Variants in KIF16B observed in about 807,000 individuals in gnomAD.
The protein encoded by KIF16B is kinesin family member 16B.
In KIF16B, 98 loss-of-function variants were observed where a neutral mutation model predicts 156.3. The ratio of observed to expected loss-of-function variants is 0.63; its 90% CI spans 0.53 to 0.74. The LOEUF (loss-of-function observed/expected upper bound fraction) is 0.74. KIF16B is among the 30% of genes least tolerant of loss of function. KIF16B has a pLI of 0.00. For missense variants in KIF16B, 1,421 were observed against 1,606.5 expected, an observed-to-expected ratio of 0.88 and a Z score of 1.97; for synonymous variants, 564 against 583.7, an observed-to-expected ratio of 0.97 and a Z score of 0.49.
chr20:16,427,289 G>A lies in KIF16B; in HGVS notation c.1475-48C>T, dbSNP rs752855220. On this transcript the variant is annotated intron_variant, in intron 14 of 25. Transcript: ENST00000354981. Reference sequence around the variant, plus strand: ...AAAGAATTTTTCCCCCTTTTCTACTGCAATGATTCCCAGCTATTTATCTAT... The same window carrying A: ...AAAGAATTTTTCCCCCTTTTCTACTACAATGATTCCCAGCTATTTATCTAT... 5.9e-6 allele frequency: 9 copies of A among 1,515,386 alleles called. No individual in the cohort carries two copies. In the Admixed American group the frequency reaches 7.5e-5, roughly 13 times the overall value. The allele number at this position is 1,515,386 out of a possible 1,614,324, so 93.9% of individuals were successfully genotyped here. A position where few individuals can be genotyped will look rare whatever the true frequency, so the allele number is the denominator to read the frequency against.
Position 16,379,473 on chromosome 20 carries a change from C to G in KIF16B, c.2529G>C (p.Leu843=), listed in dbSNP as rs2065035206. The change falls in exon 19 of 26, where the codon CTG becomes CTC. Residue 843 remains leucine, a synonymous_variant. Transcript: ENST00000354981. ...LVKLVNLEKD[L]VQQKDILKKE... ...TTTTCAGGATGTCTTTCTGCTGAACCAGGTCCTTCTCCAAGTTCACTAGCT... is the reference window on the plus strand; with the variant it reads ...TTTTCAGGATGTCTTTCTGCTGAACGAGGTCCTTCTCCAAGTTCACTAGCT... 5 of 1,613,956 alleles carry G rather than the reference C, an allele frequency of 3.1e-6. No homozygotes were observed. The highest frequency in any genetic ancestry group is 4.2e-6 in the Non-Finnish European group (5 of 1,180,022).
intron 25 of KIF16B, among the ~76,000 whole-genome samples, chr20:16,301,577 T>C (rs771435284): frequency 1.3e-5 from 2 of 152,200 alleles, no homozygotes; most frequent in Admixed American, 1.3e-4. Flanking sequence ...TAATGACATA[T>C]GTTATTGAGC....
intron 25 of KIF16B, among the ~76,000 whole-genome samples, chr20:16,280,826 A>G (rs1472484191): frequency 9.7e-6 from 1 of 102,938 alleles, no homozygotes; most frequent in Non-Finnish European, 2.0e-5. Flanking sequence ...ATTTCAGTCA[A>G]CTGCTGCGCG....
At chr20:16,517,726 T>C (rs2069190252) in intron 3 of KIF16B, among the ~76,000 whole-genome samples, 1 of 152,184 alleles carries the variant, frequency 6.6e-6, no homozygotes, top group Non-Finnish European at 1.5e-5. Flanking sequence ...TGGAGGCTCA[T>C]TTTCACCACT....
At chr20:16,352,585 G>C (rs2064358812) in intron 23 of KIF16B, among the ~76,000 whole-genome samples, 1 of 152,128 alleles carries the variant, frequency 6.6e-6, no homozygotes, top group Admixed American at 6.5e-5. Context: ...CCCTTAACAG[G>C]CTCCTGACTA....
intron 15 of KIF16B, among the ~76,000 whole-genome samples, chr20:16,409,136 T>C (rs2065858615): frequency 6.6e-6 from 1 of 151,978 alleles, no homozygotes; most frequent in East Asian, 1.9e-4. Context: ...AGAGCAACAA[T>C]GATAAGGGTT....
At chr20:16,514,315 G>A (rs2069060540) in intron 4 of KIF16B, among the ~76,000 whole-genome samples, 2 of 151,810 alleles carry the variant, frequency 1.3e-5, no homozygotes, top group Admixed American at 6.6e-5. Context: ...TTCCCTTTTC[G>A]GAGAAGACTT....
intron 23 of KIF16B, among the ~76,000 whole-genome samples, chr20:16,343,292 C>A (rs1017071772): frequency 6.6e-6 from 1 of 152,290 alleles, no homozygotes; most frequent in Non-Finnish European, 1.5e-5. Context: ...GTGCTTCCCA[C>A]AAATTTATGT....
At chr20:16,571,568 T>C (rs2071451957) in intron 1 of KIF16B, among the ~76,000 whole-genome samples, 1 of 151,902 alleles carries the variant, frequency 6.6e-6, no homozygotes, top group Non-Finnish European at 1.5e-5. Context: ...CAGGTCTCAT[T>C]CCCCTTGTAT....
chr20:16,354,807 G>T (rs773987780), intron 23 of KIF16B, among the ~76,000 whole-genome samples: 1 of 152,120 alleles, frequency 6.6e-6, no homozygotes, highest in Non-Finnish European at 1.5e-5. Flanking sequence ...TCAGCCGGAC[G>T]TGGTGGCACA....
chr20:16,544,619 A>AAC (rs1555798824), intron 1 of KIF16B, among the ~76,000 whole-genome samples: 2 of 151,004 alleles, frequency 1.3e-5, no homozygotes, highest in African/African-American at 4.9e-5. Flanking sequence ...AAAAAAAAAA[A>AAC]AAAAAAAAAA....
intron 12 of KIF16B, among the ~76,000 whole-genome samples, chr20:16,463,399 T>C (rs1244318705): frequency 6.6e-6 from 1 of 152,174 alleles, no homozygotes; most frequent in Non-Finnish European, 1.5e-5. Flanking sequence ...CCTCTCAAAG[T>C]ATCCTAGCAT....
chr20:16,278,508 T>G (rs1194821888), intron 25 of KIF16B, among the ~76,000 whole-genome samples: 1 of 152,154 alleles, frequency 6.6e-6, no homozygotes, highest in Non-Finnish European at 1.5e-5. Context: ...TGACATAGAG[T>G]ACCTCGATTT....
At chr20:16,288,342 T>C (rs1276091891) in intron 25 of KIF16B, among the ~76,000 whole-genome samples, 1 of 152,246 alleles carries the variant, frequency 6.6e-6, no homozygotes, top group East Asian at 1.9e-4. Flanking sequence ...ACAAAATGCT[T>C]AGGACAGGGT....
At chr20:16,555,113 C>A (rs2070801013) in intron 1 of KIF16B, among the ~76,000 whole-genome samples, 5 of 152,218 alleles carry the variant, frequency 3.3e-5, no homozygotes, top group Admixed American at 3.3e-4. Flanking sequence ...TTCCAGCTGG[C>A]AAAATGACAC....
At chr20:16,414,421 T>A (rs2066035721) in intron 15 of KIF16B, among the ~76,000 whole-genome samples, 1 of 152,148 alleles carries the variant, frequency 6.6e-6, no homozygotes, top group Non-Finnish European at 1.5e-5. Context: ...TGATACCTTA[T>A]CAAAAAGCTA....
chr20:16,375,103 T>TA (rs1256502338), intron 19 of KIF16B, among the ~76,000 whole-genome samples: 1 of 152,164 alleles, frequency 6.6e-6, no homozygotes, highest in Admixed American at 6.5e-5. Context: ...GTGATACATC[T>TA]ATATGAGGTC....
rs2066430337 is a variant in KIF16B, at chr20:16,429,001, C to T, written c.1426G>A (p.Gly476Ser). 6.2e-7 allele frequency: 1 copy of T among 1,612,890 alleles called. No homozygotes were observed. The highest frequency in any genetic ancestry group is 8.5e-7 in the Non-Finnish European group (1 of 1,179,114). Residue 476 changes from glycine to serine, a missense_variant, in exon 14 of 26, where the codon GGT (glycine) becomes AGT (serine). Physicochemically the swap from Gly to Ser is moderately conservative, Grantham distance 56. Coordinates refer to ENST00000354981, the MANE Select transcript of KIF16B (RefSeq NM_024704.5). Reference protein sequence around the residue: ...TGIILYHLKEGQTYVGRDDAS... With the variant: ...TGIILYHLKESQTYVGRDDAS... ...TCGTCTCTACCAACGTATGTCTGACCTTCCTGGGAAGAAAACCCAAGCAAA... is the reference window on the plus strand; with the variant it reads ...TCGTCTCTACCAACGTATGTCTGACTTTCCTGGGAAGAAAACCCAAGCAAA...
At chr20:16,545,886 G>T in intron 1 of KIF16B, among the ~76,000 whole-genome samples, 1 of 149,544 alleles carries the variant, frequency 6.7e-6, no homozygotes, top group East Asian at 2.0e-4. Flanking sequence ...CTAGAAAAAT[G>T]TTCTCAGTGG....
Sources: gnomAD v4.1 joint callset for allele counts (sites outside exome capture counted in the v4.1 genomes callset) on GRCh38, gnomAD v4.1.1 for gene constraint, MANE v1.5 for transcripts, NCBI Gene and HGNC (gene_info 2026-07-23, HGNC 2026-07-21) for gene names.